NHP2: variants seen among roughly 807,000 people sequenced by gnomAD.
The protein encoded by NHP2 is NHP2 ribonucleoprotein.
NHP2 carries 10 observed loss-of-function variants against 16.7 expected under a neutral mutation model. That is an observed-to-expected ratio of 0.60 (90% CI 0.37 to 1.01). NHP2 has a LOEUF of 1.01. NHP2 is among the 50% of genes least tolerant of loss of function. NHP2 has a pLI of 0.01. For synonymous variants in NHP2, 87 were observed against 78.9 expected (o/e 1.10, Z -0.54); for missense variants, 184 against 198.3 (o/e 0.93, Z 0.43).
In NHP2 at chr5:178,149,758, G is replaced by T; in HGVS notation, c.417C>A (p.Tyr139Ter). 6.2e-7 allele frequency: 1 copy of T among 1,614,072 alleles called. No homozygotes were observed. The highest frequency in any genetic ancestry group is 2.2e-5 in the East Asian group (1 of 44,870). The change falls in exon 4 of 4, where the codon TAC (tyrosine) becomes TAA (stop). Residue 139 changes from tyrosine (Y) to a stop codon, truncating the protein, a stop_gained. Coordinates refer to ENST00000274606, the MANE Select transcript of NHP2 (RefSeq NM_017838.4). LOFTEE classifies it high-confidence loss of function. ...ACTGCACCTCCTCCAGGCACTCATCGTAAGCCTCCTGGTACTCCTCATGGG... is the reference window on the plus strand; with the variant it reads ...ACTGCACCTCCTCCAGGCACTCATCTTAAGCCTCCTGGTACTCCTCATGGG... ...VKPHEEYQEA[Y>*]DECLEEVQSL...
intron 2 of NHP2, among the ~76,000 whole-genome samples, chr5:178,152,096 A>G (rs1384671570): frequency 6.6e-6 from 1 of 152,050 alleles, no homozygotes. Flanking sequence ...TGTCTCCACC[A>G]TCACCTCTCC....
In NHP2 at chr5:178,153,394, C is replaced by T. The variant is rs558798425; in HGVS notation, c.230+97G>A. 22 of 1,243,454 alleles carry T rather than the reference C, an allele frequency of 1.8e-5. No individual in the cohort carries two copies. In the African/African-American group the frequency reaches 2.8e-4, roughly 16 times the overall value. 77.0% of individuals were successfully genotyped at this position (1,243,454 alleles called of 1,614,324 possible). A position where few individuals can be genotyped will look rare whatever the true frequency, so the allele number is the denominator to read the frequency against. On this transcript the variant is annotated intron_variant, in intron 2 of 3. Coordinates refer to ENST00000274606, the MANE Select transcript of NHP2 (RefSeq NM_017838.4). ...GCTTGATTGGCTTCTGTATATGGGG[C>T]TAGGTCAGAGTTAACCTTTTTACTG...
chr5:178,153,787 G>A lies in NHP2; in HGVS notation c.31C>T (p.Pro11Ser), dbSNP rs1216418926. 6.2e-7 allele frequency: 1 copy of A among 1,612,056 alleles called. No individual in the cohort carries two copies. Among genetic ancestry groups the A allele is most frequent in the Non-Finnish European group, 8.5e-7 (1 of 1,179,204 alleles). Residue 11 changes from proline (P) to serine (S), a missense_variant, in exon 1 of 4, where the codon CCC becomes TCC. Pro to Ser is a moderately conservative substitution (Grantham distance 74). Transcript: ENST00000274606. MTKIKADPDG[P>S]EAQAEACSGE... The stretch of plus-strand genomic sequence containing the variant: ...GAACACGCCTCCGCCTGAGCCTCGG[G>A]CCCGTCGGGATCTGCCTTTATTTTG...
At chr5:178,152,387 A>G (rs115245378) in intron 2 of NHP2, among the ~76,000 whole-genome samples, 1,775 of 140,224 alleles carry the variant, frequency 0.013, 46 homozygotes, top group African/African-American at 0.044. Context: ...CCCCCCAATT[A>G]ATCCCTGTGT....
At chr5:178,153,165 C>CT (rs906562116) in intron 2 of NHP2, 2 of 439,966 alleles carry the variant, frequency 4.5e-6, no homozygotes, top group Non-Finnish European at 8.4e-6. Flanking sequence ...AGATTCAGGG[C>CT]TGAGAGGATT....
At position 178,149,734 on chromosome 5, in the gene NHP2, C is replaced by A. The variant is rs757655789; in HGVS notation, c.441G>T (p.Gln147His). 5.0e-6 allele frequency: 8 copies of A among 1,614,062 alleles called. No individual in the cohort carries two copies. The Admixed American group carries it at 1.3e-4, about 27-fold the overall frequency. The change falls in exon 4 of 4, where the codon CAG (glutamine) becomes CAT (histidine). Residue 147 changes from glutamine to histidine, a missense_variant. Transcript: ENST00000274606. The stretch of plus-strand genomic sequence containing the variant: ...CCCCTCATAGGGGTAGGGGCAGGGA[C>A]TGCACCTCCTCCAGGCACTCATCGT... ...EAYDECLEEV[Q>H]SLPLPL
chr5:178,153,179 G>A lies in NHP2; in HGVS notation c.230+312C>T, dbSNP rs56056761. ...GAGATTCAGGGCTGAGAGGATTAGG[G>A]CGGGGGCCGGAGGTAATCTGAGGCA... On this transcript the variant is annotated intron_variant, in intron 2 of 3. Coordinates refer to ENST00000274606, the MANE Select transcript of NHP2 (RefSeq NM_017838.4). 3,643 of 459,084 alleles carry A rather than the reference G, an allele frequency of 7.9e-3. 119 individuals carry two copies. Among genetic ancestry groups the A allele is most frequent in the African/African-American group, 0.063 (3,170 of 50,570 alleles). 28.4% of individuals were successfully genotyped at this position (459,084 alleles called of 1,614,324 possible). A position where few individuals can be genotyped will look rare whatever the true frequency, so the allele number is the denominator to read the frequency against.
chr5:178,153,649 C>T lies in NHP2; in HGVS notation c.160+9G>A, dbSNP rs756638436. The T allele has an allele frequency of 6.8e-6, 11 of 1,613,758 alleles. No homozygotes were observed. Among genetic ancestry groups the T allele is most frequent in the East Asian group, 4.5e-5 (2 of 44,886 alleles). On this transcript the variant is annotated intron_variant, in intron 1 of 3. Coordinates refer to ENST00000274606, the MANE Select transcript of NHP2 (RefSeq NM_017838.4). ...GCACCCATCCCGGCCACGCCGCCGT[C>T]CGCCTCACCTTTCTTGATGCATTTG...
intron 3 of NHP2, chr5:178,150,173 C>G: frequency 3.9e-6 from 1 of 254,326 alleles, no homozygotes; most frequent in Non-Finnish European, 7.7e-6. Flanking sequence ...TCCCTCTGAG[C>G]CTAAACCCAC....
intron 2 of NHP2, among the ~76,000 whole-genome samples, chr5:178,151,536 G>A (rs756796103): frequency 5.9e-5 from 9 of 152,212 alleles, no homozygotes; most frequent in Non-Finnish European, 1.2e-4. Context: ...AGACACAGAA[G>A]GAAAAGTCTG....
intron 3 of NHP2, 183 bp from the exon 4 acceptor site, chr5:178,150,021 G>A: frequency 1.7e-6 from 1 of 597,904 alleles, no homozygotes; most frequent in Admixed American, 3.4e-5. Flanking sequence ...TTGAAGGCAT[G>A]GTCCAGCCAC....
At chr5:178,151,083 G>A (rs1396710422) in intron 2 of NHP2, 90 bp from the exon 3 acceptor site, 1 of 1,106,538 alleles carries the variant, frequency 9.0e-7, no homozygotes, top group Admixed American at 1.7e-5. Flanking sequence ...TAGGGATAGA[G>A]ACAAAATTGT....
chr5:178,149,937 C>T, intron 3 of NHP2, 99 bp from the exon 4 acceptor site: 1 of 1,323,654 alleles, frequency 7.6e-7, no homozygotes, highest in South Asian at 1.3e-5. Context: ...TGGCCCACAA[C>T]CATGTTCTGT....
chr5:178,150,484 G>A, intron 3 of NHP2: 1 of 359,424 alleles, frequency 2.8e-6, no homozygotes, highest in South Asian at 2.1e-5. Context: ...GGGTTCAAGT[G>A]ATCTCCTGCT....
intron 3 of NHP2, 108 bp downstream of exon 3, chr5:178,150,780 C>T (rs778805949): frequency 1.2e-6 from 1 of 802,096 alleles, no homozygotes. Flanking sequence ...TCCATCCAGG[C>T]CTGTCTTAGC....
Position 178,151,115 on chromosome 5 carries a change from G to A in NHP2, c.231-122C>T. The A allele has an allele frequency of 6.1e-6, 5 of 825,762 alleles. No homozygotes were observed. In the South Asian group the frequency reaches 6.8e-5, roughly 11 times the overall value. 51.2% of individuals were successfully genotyped at this position (825,762 alleles called of 1,614,324 possible). A position where few individuals can be genotyped will look rare whatever the true frequency, so the allele number is the denominator to read the frequency against. On this transcript the variant is annotated intron_variant, in intron 2 of 3. Coordinates refer to ENST00000274606, the MANE Select transcript of NHP2 (RefSeq NM_017838.4). ...TTGTGTTTGGTGAGCACACTATTTGGGGGTGATCTCTACCTCTTGGCAACA... is the reference window on the plus strand; with the variant it reads ...TTGTGTTTGGTGAGCACACTATTTGAGGGTGATCTCTACCTCTTGGCAACA...
At chr5:178,151,759 G>GTGCC in intron 2 of NHP2, among the ~76,000 whole-genome samples, 1 of 152,158 alleles carries the variant, frequency 6.6e-6, no homozygotes, top group Middle Eastern at 3.4e-3. Flanking sequence ...ATGGGGTCAG[G>GTGCC]TGCCATCTAT....
intron 3 of NHP2, chr5:178,150,570 A>G: frequency 2.2e-6 from 1 of 455,126 alleles, no homozygotes; most frequent in East Asian, 5.0e-5. Flanking sequence ...TTTTGTAGAG[A>G]TGGAGTCTCA....
chr5:178,152,130 G>C (rs1448820780), intron 2 of NHP2, among the ~76,000 whole-genome samples: 1 of 152,070 alleles, frequency 6.6e-6, no homozygotes, highest in Non-Finnish European at 1.5e-5. Context: ...TCTACTACCT[G>C]AACTTTCCCA....
Sources: gnomAD v4.1 joint callset for allele counts (sites outside exome capture counted in the v4.1 genomes callset) on GRCh38, gnomAD v4.1.1 for gene constraint, MANE v1.5 for transcripts, NCBI Gene and HGNC (gene_info 2026-07-23, HGNC 2026-07-21) for gene names.